Variants in UBE2E2 observed in about 807,000 individuals in gnomAD.
The protein encoded by UBE2E2 is ubiquitin conjugating enzyme E2 E2.
In UBE2E2, 6 loss-of-function variants were observed where a neutral mutation model predicts 24.7. The observed-to-expected ratio is 0.24, with a 90% CI of 0.13 to 0.48. The LOEUF (loss-of-function observed/expected upper bound fraction) is 0.48, where lower values mean the gene tolerates loss of function less well. UBE2E2 is among the 20% of genes least tolerant of loss of function. UBE2E2 has a pLI of 0.99. For synonymous variants in UBE2E2, 104 were observed against 83.6 expected, an observed-to-expected ratio of 1.24 and a Z score of -1.33; for missense variants, 169 against 245.0, an observed-to-expected ratio of 0.69 and a Z score of 2.07.
At chr3:23,439,517 G>A (rs1012017200) in intron 3 of UBE2E2, among the ~76,000 whole-genome samples, 3 of 152,128 alleles carry the variant, frequency 2.0e-5, no homozygotes, top group African/African-American at 7.2e-5. Context: ...TGAGCCCTGG[G>A]GATGGCTAGC....
intron 3 of UBE2E2, among the ~76,000 whole-genome samples, chr3:23,387,104 A>G (rs540912606): frequency 6.6e-6 from 1 of 152,252 alleles, no homozygotes; most frequent in South Asian, 2.1e-4. Flanking sequence ...AGAGTTCAAA[A>G]TGAAGCAAAG....
chr3:23,237,691 T>C (rs9841123), intron 3 of UBE2E2, among the ~76,000 whole-genome samples: 92,759 of 151,950 alleles, frequency 0.61, 28,939 homozygotes, highest in South Asian at 0.68. Flanking sequence ...TAATTATACT[T>C]AGTATGAGGC....
At chr3:23,346,410 A>G (rs929614157) in intron 3 of UBE2E2, among the ~76,000 whole-genome samples, 5 of 152,160 alleles carry the variant, frequency 3.3e-5, no homozygotes, top group Non-Finnish European at 7.3e-5. Flanking sequence ...TGAAGATGAC[A>G]TTTTCTCACC....
intron 3 of UBE2E2, among the ~76,000 whole-genome samples, chr3:23,462,602 A>G (rs575664743): frequency 2.6e-5 from 4 of 152,290 alleles, no homozygotes; most frequent in Admixed American, 2.6e-4. Context: ...TAGGTAAGTG[A>G]CATTAGGAAC....
chr3:23,565,444 C>CTTTTTTTT (rs574461544), intron 5 of UBE2E2, among the ~76,000 whole-genome samples: 1 of 46,234 alleles, frequency 2.2e-5, no homozygotes, highest in Non-Finnish European at 3.8e-5. Flanking sequence ...ATAGGCATGG[C>CTTTTTTTT]TTTTTTTTTT....
At chr3:23,212,660 T>C (rs1229534972) in intron 2 of UBE2E2, among the ~76,000 whole-genome samples, 1 of 152,166 alleles carries the variant, frequency 6.6e-6, no homozygotes, top group African/African-American at 2.4e-5. Flanking sequence ...GTATTCCAGT[T>C]TGAACTTTTA....
At chr3:23,281,951 A>G (rs1698499537) in intron 3 of UBE2E2, among the ~76,000 whole-genome samples, 1 of 152,216 alleles carries the variant, frequency 6.6e-6, no homozygotes, top group African/African-American at 2.4e-5. Context: ...AGAGTTTTGA[A>G]TGCAATTTCA....
chr3:23,301,249 G>A (rs188956555), intron 3 of UBE2E2, among the ~76,000 whole-genome samples: 68 of 152,262 alleles, frequency 4.5e-4, no homozygotes, highest in African/African-American at 1.5e-3. Flanking sequence ...GTAGCTCAGA[G>A]TAGTTTGATT....
At chr3:23,480,230 G>A (rs1395709520) in intron 3 of UBE2E2, among the ~76,000 whole-genome samples, 1 of 152,228 alleles carries the variant, frequency 6.6e-6, no homozygotes. Context: ...TGGTGTGTCA[G>A]TGCTGCCCTG....
chr3:23,550,230 A>G (rs1336195666), intron 5 of UBE2E2, among the ~76,000 whole-genome samples: 1 of 152,154 alleles, frequency 6.6e-6, no homozygotes, highest in South Asian at 2.1e-4. Context: ...CTAGATAACT[A>G]TTGAGGATTA....
chr3:23,517,373 T>C (rs1694765855), intron 4 of UBE2E2, among the ~76,000 whole-genome samples: 1 of 152,188 alleles, frequency 6.6e-6, no homozygotes, highest in Non-Finnish European at 1.5e-5. Flanking sequence ...AAAGCACATT[T>C]CCCTACATAA....
chr3:23,313,995 T>A (rs1694496889), intron 3 of UBE2E2, among the ~76,000 whole-genome samples: 2 of 152,232 alleles, frequency 1.3e-5, no homozygotes, highest in Admixed American at 1.3e-4. Context: ...TGAAGACAGC[T>A]TAACACTGAT....
In UBE2E2 at chr3:23,233,035, G is replaced by A. The variant is rs562957846; in HGVS notation, c.227+15723G>A. On this transcript the variant is annotated intron_variant, in intron 3 of 5. Transcript: ENST00000396703. Reference sequence around the variant, plus strand: ...TGGTGTCAGGCTCAAGTTAGCAGGCGAATGTAGCCCTGCATTTGCAGTCTT... The same window carrying A: ...TGGTGTCAGGCTCAAGTTAGCAGGCAAATGTAGCCCTGCATTTGCAGTCTT... Among the ~76,000 whole-genome samples the A allele has an allele frequency of 5.3e-5, 8 of 152,314 alleles. No homozygotes were observed. In the South Asian group the frequency reaches 8.3e-4, roughly 16 times the overall value.
chr3:23,331,382 A>G (rs990446343), intron 3 of UBE2E2, among the ~76,000 whole-genome samples: 3 of 152,148 alleles, frequency 2.0e-5, no homozygotes, highest in African/African-American at 7.2e-5. Context: ...TGGAGTTTAC[A>G]TTGTAGTGGA....
At chr3:23,214,604 G>A (rs1443898110) in intron 2 of UBE2E2, among the ~76,000 whole-genome samples, 1 of 151,714 alleles carries the variant, frequency 6.6e-6, no homozygotes, top group African/African-American at 2.4e-5. Context: ...CTAAAGGGCA[G>A]TATAAATATA....
intron 3 of UBE2E2, among the ~76,000 whole-genome samples, chr3:23,252,485 A>G (rs968948680): frequency 2.6e-5 from 4 of 152,172 alleles, no homozygotes; most frequent in Admixed American, 2.0e-4. Flanking sequence ...ACAAAACAAG[A>G]TTAAAAAAAA....
intron 3 of UBE2E2, among the ~76,000 whole-genome samples, chr3:23,416,397 G>C (rs969819849): frequency 6.6e-6 from 1 of 152,196 alleles, no homozygotes; most frequent in Non-Finnish European, 1.5e-5. Context: ...CCTCTGGCTT[G>C]TAGGGTTTCT....
chr3:23,299,528 C>G (rs1218444692), intron 3 of UBE2E2, among the ~76,000 whole-genome samples: 4 of 152,130 alleles, frequency 2.6e-5, no homozygotes, highest in Non-Finnish European at 5.9e-5. Flanking sequence ...TTTCTGCCTT[C>G]ATTTCGTTAT....
intron 3 of UBE2E2, among the ~76,000 whole-genome samples, chr3:23,412,247 C>T (rs1158922176): frequency 2.0e-5 from 3 of 152,188 alleles, no homozygotes; most frequent in South Asian, 4.2e-4. Flanking sequence ...TTCATTTTCA[C>T]TGTCTTAAAA....
Sources: allele counts gnomAD v4.1 joint callset (sites outside exome capture counted in the v4.1 genomes callset), GRCh38; gene constraint gnomAD v4.1.1; transcripts MANE v1.5; gene names NCBI Gene and HGNC (gene_info 2026-07-23, HGNC 2026-07-21).